PTPRD: variants seen among roughly 807,000 people sequenced by gnomAD.
The protein encoded by PTPRD is receptor-type tyrosine-protein phosphatase delta.
A neutral mutation model predicts 214.5 loss-of-function variants in PTPRD; 34 were observed. The observed-to-expected ratio is 0.16, with a 90% CI of 0.12 to 0.21. The LOEUF is 0.21. PTPRD is among the 10% of genes least tolerant of loss of function. The pLI is 1.00. For missense variants in PTPRD, 2,545 were observed against 2,398.7 expected (o/e 1.06, Z -1.27); for synonymous variants, 1,128 against 845.7 (o/e 1.33, Z -5.79).
At chr9:10,227,320 G>A (rs1430517038) in intron 3 of PTPRD, among the ~76,000 whole-genome samples, 1 of 151,946 alleles carries the variant, frequency 6.6e-6, no homozygotes, top group Non-Finnish European at 1.5e-5. Context: ...ATAATGAAAA[G>A]TCAAGAATGA....
At chr9:10,459,027 C>G (rs1489077278) in intron 2 of PTPRD, among the ~76,000 whole-genome samples, 1 of 152,024 alleles carries the variant, frequency 6.6e-6, no homozygotes, top group Non-Finnish European at 1.5e-5. Context: ...TTAGGTATTT[C>G]TCCTAATGCT....
intron 12 of PTPRD, among the ~76,000 whole-genome samples, chr9:8,666,038 T>A (rs1270888457): frequency 1.5e-5 from 2 of 137,926 alleles, no homozygotes; most frequent in African/African-American, 5.6e-5. Context: ...GTTTCATAAC[T>A]GTTTTTTTTT....
intron 3 of PTPRD, among the ~76,000 whole-genome samples, chr9:10,116,599 C>A (rs550489116): frequency 6.6e-6 from 1 of 152,230 alleles, no homozygotes; most frequent in African/African-American, 2.4e-5. Context: ...ACTCCCTACA[C>A]ATTTTAATTT....
intron 10 of PTPRD, among the ~76,000 whole-genome samples, chr9:9,057,756 A>G (rs1230597165): frequency 1.3e-5 from 2 of 152,224 alleles, no homozygotes; most frequent in Non-Finnish European, 2.9e-5. Flanking sequence ...TTGGTTATCT[A>G]TGAGCTTTTT....
At chr9:8,350,519 G>A (rs1320471885) in intron 39 of PTPRD, among the ~76,000 whole-genome samples, 1 of 152,068 alleles carries the variant, frequency 6.6e-6, no homozygotes, top group Non-Finnish European at 1.5e-5. Flanking sequence ...AGATTAATTA[G>A]GTGACTCTTT....
chr9:9,860,305 T>G (rs1244722134), intron 5 of PTPRD, among the ~76,000 whole-genome samples: 1 of 152,240 alleles, frequency 6.6e-6, no homozygotes, highest in Non-Finnish European at 1.5e-5. Context: ...GTTAACAACT[T>G]GTATGTGAAA....
chr9:10,041,388 C>A (rs12005515), intron 3 of PTPRD, among the ~76,000 whole-genome samples: 13,998 of 151,828 alleles, frequency 0.092, 724 homozygotes, highest in East Asian at 0.14. Flanking sequence ...TAAAAAGAAA[C>A]AGACTTTTAG....
rs967342256 is a variant in PTPRD at position 9,504,805 on chromosome 9, T to C, written c.-237+69927A>G. Among the ~76,000 whole-genome samples the C allele has an allele frequency of 2.9e-4, 44 of 151,508 alleles. 1 individual carries two copies. The Admixed American group carries it at 2.9e-3, about 10-fold the overall frequency. On this transcript the variant is annotated intron_variant, in intron 8 of 45. Coordinates refer to ENST00000381196, the MANE Select transcript of PTPRD (RefSeq NM_002839.4). ...AACTAATAAATGATTTCAGTAAAAT[T>C]ACAAGATTGAAAATCAATATGCAAA...
chr9:9,612,553 G>A lies in PTPRD; in HGVS notation c.-286-37772C>T, dbSNP rs562373191. Among the ~76,000 whole-genome samples, 7 of 152,238 alleles carry A rather than the reference G, an allele frequency of 4.6e-5. No individual in the cohort carries two copies. The East Asian group carries it at 1.4e-3, about 29-fold the overall frequency. On this transcript the variant is annotated intron_variant, in intron 7 of 45. Transcript: ENST00000381196. ...AGTGGTTTTTCCTCTCTCATGATCTGCGTTCCTGTTTTCTTTCTTTCCTTC... is the reference window on the plus strand; with the variant it reads ...AGTGGTTTTTCCTCTCTCATGATCTACGTTCCTGTTTTCTTTCTTTCCTTC...
intron 3 of PTPRD, among the ~76,000 whole-genome samples, chr9:10,247,648 G>A (rs777953998): frequency 6.6e-6 from 1 of 152,098 alleles, no homozygotes; most frequent in Non-Finnish European, 1.5e-5. Flanking sequence ...GTTGGTTTAT[G>A]GGATTGTAGA....
intron 8 of PTPRD, among the ~76,000 whole-genome samples, chr9:9,500,485 G>C (rs551150261): frequency 6.6e-6 from 1 of 152,190 alleles, no homozygotes; most frequent in South Asian, 2.1e-4. Flanking sequence ...TAGATATTGA[G>C]GTTTGGTGCT....
intron 36 of PTPRD, among the ~76,000 whole-genome samples, chr9:8,398,929 C>T (rs2091838815): frequency 6.6e-6 from 1 of 151,972 alleles, no homozygotes; most frequent in Non-Finnish European, 1.5e-5. Flanking sequence ...TTTTACTAAG[C>T]TTTTTAAAAA....
chr9:9,510,052 C>T (rs1406011100), intron 8 of PTPRD, among the ~76,000 whole-genome samples: 1 of 151,594 alleles, frequency 6.6e-6, no homozygotes, highest in Non-Finnish European at 1.5e-5. Flanking sequence ...CTCAAAATTG[C>T]TACATCTCAT....
intron 12 of PTPRD, among the ~76,000 whole-genome samples, chr9:8,667,263 C>T (rs117254788): frequency 1.3e-5 from 2 of 152,180 alleles, no homozygotes; most frequent in East Asian, 3.9e-4. Context: ...CGCTTGAACA[C>T]GGGACGCAGA....
At chr9:9,213,687 C>T (rs148951344) in intron 9 of PTPRD, among the ~76,000 whole-genome samples, 2 of 152,058 alleles carry the variant, frequency 1.3e-5, no homozygotes, top group African/African-American at 4.8e-5. Flanking sequence ...AAACAGTGTC[C>T]CTGAATAATA....
chr9:8,704,758 C>CAAAAAAA lies in PTPRD; in HGVS notation c.64+29015_64+29021dup, dbSNP rs569357894. 7.4e-4 allele frequency among the ~76,000 whole-genome samples: 102 copies of CAAAAAAA among 137,868 alleles called. 1 individual carries two copies. Among genetic ancestry groups the CAAAAAAA allele is most frequent in the East Asian group, 2.6e-3 (12 of 4,594 alleles). 90.4% of individuals were successfully genotyped at this position (137,868 alleles called of 152,430 possible). ...TCTGGCCAAATCTCTACTAAAAATACAAAAAAAAAAAAATTAGCCGGGTGT... is the reference window on the plus strand; with the variant it reads ...TCTGGCCAAATCTCTACTAAAAATACAAAAAAAAAAAAAAAAAAAATTAGCCGGGTGT... On this transcript the variant is annotated intron_variant, in intron 12 of 45. Coordinates refer to ENST00000381196, the MANE Select transcript of PTPRD (RefSeq NM_002839.4).
rs558649728 is a variant in PTPRD, at chr9:10,225,959, C to T, written c.-545+115004G>A. 5.9e-5 allele frequency among the ~76,000 whole-genome samples: 9 copies of T among 152,130 alleles called. No individual in the cohort carries two copies. The South Asian group carries it at 1.7e-3, about 28-fold the overall frequency. On this transcript the variant is annotated intron_variant, in intron 3 of 45. Transcript: ENST00000381196. Reference sequence around the variant, plus strand: ...AGAACTTATTTTACCTTATGCCAGACCTTATGCTATGTCCAGTACATGTAT... The same window carrying T: ...AGAACTTATTTTACCTTATGCCAGATCTTATGCTATGTCCAGTACATGTAT...
chr9:8,335,831 TCCTATATA>T (rs2131979612), intron 43 of PTPRD, among the ~76,000 whole-genome samples: 1 of 152,210 alleles, frequency 6.6e-6, no homozygotes, highest in Non-Finnish European at 1.5e-5. Flanking sequence ...TCACAAGCAC[TCCTATATA>T]CCAATAACAG....
At chr9:8,393,789 C>A (rs1469560990) in intron 36 of PTPRD, among the ~76,000 whole-genome samples, 2 of 152,052 alleles carry the variant, frequency 1.3e-5, no homozygotes, top group South Asian at 4.2e-4. Flanking sequence ...AAGGCTAGAC[C>A]CTCTAACTTC....
Sources: allele counts gnomAD v4.1 joint callset (sites outside exome capture counted in the v4.1 genomes callset), GRCh38; gene constraint gnomAD v4.1.1; transcripts MANE v1.5; gene names NCBI Gene and HGNC (gene_info 2026-07-23, HGNC 2026-07-21).